Variants in ARHGAP6 observed in about 807,000 individuals in gnomAD.
ARHGAP6 encodes the protein rho GTPase-activating protein 6.
In ARHGAP6, 16 loss-of-function variants were observed where a neutral mutation model predicts 55.7. The ratio of observed to expected loss-of-function variants is 0.29; its 90% confidence interval spans 0.19 to 0.44. The LOEUF is 0.44. Ranked by LOEUF, ARHGAP6 falls within the 20% of genes least tolerant of loss-of-function variation. The pLI is 1.00. For missense variants in ARHGAP6, 698 were observed against 808.9 expected (o/e 0.86, Z 1.66); for synonymous variants, 382 against 360.9 (o/e 1.06, Z -0.66).
At chrX:11,262,549 T>A (rs2047574690) in intron 1 of ARHGAP6, among the ~76,000 whole-genome samples, 1 of 111,407 alleles carries the variant, frequency 9.0e-6, no homozygotes, top group South Asian at 3.8e-4. Flanking sequence ...AACTGTAAAC[T>A]CCCCAGGGCC....
intron 1 of ARHGAP6, among the ~76,000 whole-genome samples, chrX:11,408,726 C>T (rs962998499): frequency 6.4e-5 from 7 of 110,186 alleles, no homozygotes; most frequent in Non-Finnish European, 1.1e-4. Flanking sequence ...GGCAGTAGGA[C>T]GACAAAGTAG....
At chrX:11,518,456 T>C (rs1603239587) in intron 1 of ARHGAP6, among the ~76,000 whole-genome samples, 4 of 89,819 alleles carry the variant, frequency 4.5e-5, no homozygotes, top group East Asian at 6.6e-4. Context: ...ATTTTCTTTT[T>C]TTTTTCTTTT....
intron 1 of ARHGAP6, among the ~76,000 whole-genome samples, chrX:11,621,279 C>A (rs966290000): frequency 2.7e-5 from 3 of 111,574 alleles, no homozygotes; most frequent in Non-Finnish European, 5.6e-5. Flanking sequence ...AAGAAGACAG[C>A]CAATATATCA....
intron 1 of ARHGAP6, among the ~76,000 whole-genome samples, chrX:11,590,869 G>GAAAAGAAGGAAAGAAAGAAAGAAAGAAA (rs2051813205): frequency 4.1e-5 from 1 of 24,218 alleles, no homozygotes; most frequent in African/African-American, 2.1e-4. Context: ...AAGAAAAGAA[G>GAAAAGAAGGAAAGAAAGAAAGAAAGAAA]GAAAGAAAGA....
chrX:11,628,822 T>C (rs2052328054), intron 1 of ARHGAP6, among the ~76,000 whole-genome samples: 1 of 112,831 alleles, frequency 8.9e-6, no homozygotes, highest in African/African-American at 3.2e-5. Flanking sequence ...CCTGCTTAAA[T>C]ATTTCATGTG....
intron 1 of ARHGAP6, among the ~76,000 whole-genome samples, chrX:11,317,780 C>T (rs1007030981): frequency 9.0e-6 from 1 of 111,123 alleles, no homozygotes; most frequent in African/African-American, 3.3e-5. Flanking sequence ...TAGAATGGCT[C>T]ATTTTTCCAT....
At position 11,448,795 on chromosome X, in the gene ARHGAP6, A is replaced by C. The variant is rs777729453; in HGVS notation, c.589-194088T>G. On this transcript the variant is annotated intron_variant, in intron 1 of 12. Transcript: ENST00000337414. ...TAGCTCTTTCTCTGAGCTCCTACCA[A>C]AAAGCTCCCTGGACACCCCTGCATG... Among the ~76,000 whole-genome samples the C allele has an allele frequency of 1.2e-3, 133 of 110,896 alleles. 1 individual carries two copies. Among genetic ancestry groups the C allele is most frequent in the Non-Finnish European group, 2.2e-3 (114 of 52,909 alleles).
chrX:11,386,908 AT>A (rs2049335481), intron 1 of ARHGAP6, among the ~76,000 whole-genome samples: 1 of 111,968 alleles, frequency 8.9e-6, no homozygotes, highest in East Asian at 2.8e-4. Flanking sequence ...AACCATATAT[AT>A]TTTTTAAGGT....
At chrX:11,427,509 G>T in intron 1 of ARHGAP6, 1 of 937,874 alleles carries the variant, frequency 1.1e-6, no homozygotes, top group Admixed American at 3.4e-5. Flanking sequence ...GCGGCCCAGT[G>T]GCGCCCCCTG....
intron 1 of ARHGAP6, among the ~76,000 whole-genome samples, chrX:11,661,521 G>A (rs1364546754): frequency 8.9e-6 from 1 of 112,473 alleles, no homozygotes; most frequent in African/African-American, 3.2e-5. Context: ...TGGGAGCAGG[G>A]GCTGTTGTAT....
intron 1 of ARHGAP6, among the ~76,000 whole-genome samples, chrX:11,429,387 T>C (rs2049920858): frequency 1.8e-5 from 2 of 112,145 alleles, no homozygotes; most frequent in South Asian, 7.5e-4. Context: ...CTGGAAATGA[T>C]CTATATCTTG....
At chrX:11,538,164 A>G (rs1426238707) in intron 1 of ARHGAP6, among the ~76,000 whole-genome samples, 1 of 112,104 alleles carries the variant, frequency 8.9e-6, no homozygotes, top group East Asian at 2.8e-4. Flanking sequence ...GAGAAACAAA[A>G]ATCAACTATA....
chrX:11,349,031 C>A (rs897065260), intron 1 of ARHGAP6, among the ~76,000 whole-genome samples: 30 of 106,612 alleles, frequency 2.8e-4, no homozygotes, highest in African/African-American at 1.0e-3. Flanking sequence ...GTGGATAACT[C>A]CTGTTATTCC....
At chrX:11,454,822 T>C (rs1449798705) in intron 1 of ARHGAP6, among the ~76,000 whole-genome samples, 1 of 112,804 alleles carries the variant, frequency 8.9e-6, no homozygotes, top group Non-Finnish European at 1.9e-5. Flanking sequence ...TCATAGGACA[T>C]GTATGGTGTA....
At chrX:11,182,634 T>C (rs1002926365) in intron 5 of ARHGAP6, among the ~76,000 whole-genome samples, 1 of 104,869 alleles carries the variant, frequency 9.5e-6, no homozygotes, top group Non-Finnish European at 1.9e-5. Flanking sequence ...TTTCCTTTTT[T>C]CTTTTTTTTT....
chrX:11,361,000 A>C (rs2049002375), intron 1 of ARHGAP6, among the ~76,000 whole-genome samples: 1 of 111,338 alleles, frequency 9.0e-6, no homozygotes, highest in South Asian at 3.8e-4. Flanking sequence ...AATGAAATAA[A>C]AGAGGATACA....
At chrX:11,379,350 A>G (rs1211237129) in intron 1 of ARHGAP6, among the ~76,000 whole-genome samples, 1 of 112,333 alleles carries the variant, frequency 8.9e-6, no homozygotes, top group East Asian at 2.8e-4. Context: ...AAGAGCATGT[A>G]TACAGGGATG....
At chrX:11,625,015 C>T (rs758166473) in intron 1 of ARHGAP6, among the ~76,000 whole-genome samples, 12 of 111,640 alleles carry the variant, frequency 1.1e-4, no homozygotes, top group Admixed American at 6.6e-4. Flanking sequence ...ATAACAAATG[C>T]GGATGGAATG....
intron 1 of ARHGAP6, among the ~76,000 whole-genome samples, chrX:11,268,541 G>A (rs917639884): frequency 2.7e-5 from 3 of 111,492 alleles, no homozygotes; most frequent in Non-Finnish European, 3.8e-5. Context: ...CCCCTTTTTC[G>A]TGGGCATTCA....
Sources: allele counts gnomAD v4.1 joint callset (sites outside exome capture counted in the v4.1 genomes callset), GRCh38; gene constraint gnomAD v4.1.1; transcripts MANE v1.5; gene names NCBI Gene and HGNC (gene_info 2026-07-23, HGNC 2026-07-21).